The following DOCK10 variants were observed in gnomAD, a reference collection of about 807,000 sequenced individuals.
DOCK10 encodes the protein dedicator of cytokinesis 10, also known as dedicator of cytokinesis protein 10.
DOCK10 carries 145 observed loss-of-function variants against 280.1 expected under a neutral mutation model. That is an observed-to-expected ratio of 0.52 (90% CI 0.45 to 0.59). DOCK10 has a LOEUF of 0.59. Ranked by LOEUF, DOCK10 falls within the 20% of genes least tolerant of loss-of-function variation. The pLI, the probability that DOCK10 is intolerant of heterozygous loss-of-function variation, is 0.00. For synonymous variants in DOCK10, 915 were observed against 942.2 expected (o/e 0.97, Z 0.53); for missense variants, 2,368 against 2,651.7 (o/e 0.89, Z 2.35).
chr2:224,834,730 A>G (rs1183456506), intron 25 of DOCK10, among the ~76,000 whole-genome samples: 1 of 152,130 alleles, frequency 6.6e-6, no homozygotes, highest in Non-Finnish European at 1.5e-5. Flanking sequence ...CCATGCTTAG[A>G]CACACTATCA....
chr2:224,857,351 T>A (rs940987025), intron 14 of DOCK10, among the ~76,000 whole-genome samples: 1 of 152,054 alleles, frequency 6.6e-6, no homozygotes, highest in Non-Finnish European at 1.5e-5. Context: ...CAGGACAGAG[T>A]CACTTCAATT....
intron 1 of DOCK10, among the ~76,000 whole-genome samples, chr2:225,031,291 G>A (rs1036795380): frequency 6.6e-6 from 1 of 152,186 alleles, no homozygotes; most frequent in Non-Finnish European, 1.5e-5. Context: ...ATCCTAATGG[G>A]TCAGGGATCT....
intron 1 of DOCK10, among the ~76,000 whole-genome samples, chr2:224,967,082 CTT>C (rs11381058): frequency 7.0e-5 from 10 of 142,900 alleles, no homozygotes; most frequent in African/African-American, 7.7e-5. Context: ...ATCCTCTAGT[CTT>C]TTTTTTTTTT....
chr2:224,856,264 C>G (rs1319899554), intron 15 of DOCK10, among the ~76,000 whole-genome samples: 2 of 151,974 alleles, frequency 1.3e-5, no homozygotes, highest in African/African-American at 4.8e-5. Flanking sequence ...ATTTTCCTTG[C>G]TATTCACTGA....
intron 1 of DOCK10, chr2:224,983,858 T>C: frequency 2.1e-6 from 1 of 471,076 alleles, no homozygotes. Context: ...GCAAGTCCCC[T>C]AACTCCCTCT....
chr2:224,809,960 T>C (rs1693648486), intron 31 of DOCK10, among the ~76,000 whole-genome samples: 1 of 129,512 alleles, frequency 7.7e-6, no homozygotes. Context: ...AAAAATGGTA[T>C]ATACATACGA....
At chr2:224,951,403 C>T (rs976263179) in intron 1 of DOCK10, among the ~76,000 whole-genome samples, 5 of 152,102 alleles carry the variant, frequency 3.3e-5, no homozygotes, top group Admixed American at 6.6e-5. Flanking sequence ...CGCACAGTCT[C>T]ACATATTCTT....
At chr2:224,987,475 C>T (rs939109484) in intron 1 of DOCK10, among the ~76,000 whole-genome samples, 1 of 152,154 alleles carries the variant, frequency 6.6e-6, no homozygotes, top group Non-Finnish European at 1.5e-5. Flanking sequence ...CCAAATACCC[C>T]AAGAAGGGCA....
intron 26 of DOCK10, among the ~76,000 whole-genome samples, chr2:224,831,068 C>A (rs1324114584): frequency 6.6e-6 from 1 of 151,984 alleles, no homozygotes; most frequent in Non-Finnish European, 1.5e-5. Flanking sequence ...CGGACAGCTG[C>A]GACTACAGAT....
intron 1 of DOCK10, among the ~76,000 whole-genome samples, chr2:224,992,988 G>A (rs1706169924): frequency 6.6e-6 from 1 of 152,144 alleles, no homozygotes; most frequent in South Asian, 2.1e-4. Flanking sequence ...TTCTTTTGAA[G>A]GTTGTAGTAA....
At chr2:225,010,329 A>AC (rs776193253) in intron 1 of DOCK10, 181 of 152,140 alleles carry the variant, frequency 1.2e-3, no homozygotes, top group Non-Finnish European at 2.0e-3. Flanking sequence ...GTGGGAGGGC[A>AC]CCCCCAAAGG....
chr2:224,883,130 CT>C (rs1377092879), intron 7 of DOCK10, among the ~76,000 whole-genome samples: 1 of 152,228 alleles, frequency 6.6e-6, no homozygotes, highest in African/African-American at 2.4e-5. Flanking sequence ...CCAGCTTTTT[CT>C]GTACAGACTT....
intron 1 of DOCK10, among the ~76,000 whole-genome samples, chr2:224,946,482 T>C (rs1703427298): frequency 6.6e-6 from 1 of 152,148 alleles, no homozygotes; most frequent in Non-Finnish European, 1.5e-5. Context: ...ACCATATACA[T>C]GTCATCAACT....
chr2:224,948,377 A>G (rs1227697362), intron 1 of DOCK10, among the ~76,000 whole-genome samples: 2 of 152,248 alleles, frequency 1.3e-5, no homozygotes, highest in Non-Finnish European at 2.9e-5. Flanking sequence ...AGGCAAACTA[A>G]GGATTCCACT....
At chr2:224,957,290 C>CCT (rs1553622526) in intron 1 of DOCK10, among the ~76,000 whole-genome samples, 6 of 146,698 alleles carry the variant, frequency 4.1e-5, no homozygotes, top group Admixed American at 2.7e-4. Flanking sequence ...TTTCCGCCCC[C>CCT]CCCCGGCTTT....
chr2:224,874,524 T>A, intron 9 of DOCK10, 142 bp downstream of exon 9: 1 of 947,308 alleles, frequency 1.1e-6, no homozygotes, highest in Admixed American at 2.2e-5. Flanking sequence ...TGTATGTTAA[T>A]GAAAACACAT....
At chr2:224,947,863 A>C (rs1559841156) in intron 1 of DOCK10, among the ~76,000 whole-genome samples, 1 of 152,176 alleles carries the variant, frequency 6.6e-6, no homozygotes, top group Non-Finnish European at 1.5e-5. Flanking sequence ...CTGGGTCCTC[A>C]GTGATTAGAA....
At chr2:224,864,511 A>G (rs1697736135) in intron 13 of DOCK10, 42 bp downstream of exon 13, 1 of 1,502,144 alleles carries the variant, frequency 6.7e-7, no homozygotes, top group Non-Finnish European at 8.9e-7. Flanking sequence ...CTCTATTAAA[A>G]AAAAAAAAGG....
intron 2 of DOCK10, among the ~76,000 whole-genome samples, chr2:224,925,798 G>T (rs954330359): frequency 6.6e-6 from 1 of 152,138 alleles, no homozygotes; most frequent in East Asian, 1.9e-4. Context: ...TACATCTTTT[G>T]CTCAGGAAGA....
Sources: gnomAD v4.1 joint callset for allele counts (sites outside exome capture counted in the v4.1 genomes callset) on GRCh38, gnomAD v4.1.1 for gene constraint, MANE v1.5 for transcripts, NCBI Gene and HGNC (gene_info 2026-07-23, HGNC 2026-07-21) for gene names.